Variants in EIF1AX observed in about 807,000 individuals in gnomAD.
The protein encoded by EIF1AX is eukaryotic translation initiation factor 1A, X-chromosomal.
A neutral mutation model predicts 16.1 loss-of-function variants in EIF1AX; 1 was observed. That is an observed-to-expected ratio of 0.06 (90% CI 0.02 to 0.30). The LOEUF (loss-of-function observed/expected upper bound fraction) is 0.30, where lower values mean the gene tolerates loss of function less well. EIF1AX is among the 10% of genes least tolerant of loss of function. The pLI is 1.00. For missense variants in EIF1AX, 11 were observed against 109.1 expected, an observed-to-expected ratio of 0.10 and a Z score of 4.00; for synonymous variants, 32 against 37.3, an observed-to-expected ratio of 0.86 and a Z score of 0.51.
rs183582804 is a variant in EIF1AX, at chrX:20,137,173, G to A, written c.101-1332C>T. 2.1e-4 allele frequency among the ~76,000 whole-genome samples: 23 copies of A among 111,908 alleles called. No homozygotes were observed. In the East Asian group the frequency reaches 5.6e-3, roughly 27 times the overall value. On this transcript the variant is annotated intron_variant, in intron 2 of 6. Coordinates refer to ENST00000379607, the MANE Select transcript of EIF1AX (RefSeq NM_001412.4). ...AAATCCTACATATGGGGCTAGGTGC[G>A]GTGGCTCACGCCTGTAATCCCAGCA...
chrX:20,136,262 C>A, intron 2 of EIF1AX: 1 of 364,387 alleles, frequency 2.7e-6, no homozygotes, highest in Non-Finnish European at 5.3e-6. Context: ...ACACACACAC[C>A]AGACATATGC....
intron 2 of EIF1AX, among the ~76,000 whole-genome samples, chrX:20,136,780 T>G (rs911140733): frequency 2.8e-4 from 31 of 111,685 alleles, no homozygotes; most frequent in Admixed American, 2.7e-3. Flanking sequence ...GCCTTTCTTC[T>G]GAAGTGAGGG....
At chrX:20,133,819 A>C in intron 4 of EIF1AX, 138 bp downstream of exon 4, 4 of 506,570 alleles carry the variant, frequency 7.9e-6, no homozygotes, top group Non-Finnish European at 1.3e-5. Flanking sequence ...TATCCCCTAG[A>C]ATAATGGCTC....
intron 5 of EIF1AX, among the ~76,000 whole-genome samples, chrX:20,131,461 C>T (rs767756293): frequency 1.3e-3 from 147 of 109,975 alleles, no homozygotes; most frequent in Non-Finnish European, 2.4e-3. Flanking sequence ...GGTGAAACCC[C>T]GTCTCTACTA....
chrX:20,135,166 G>C (rs891645641), intron 3 of EIF1AX, among the ~76,000 whole-genome samples: 5 of 105,898 alleles, frequency 4.7e-5, no homozygotes, highest in African/African-American at 1.7e-4. Flanking sequence ...GGGCCATCTG[G>C]CTGGGTACAG....
At chrX:20,132,154 CAAGTT>C (rs756210477) in intron 5 of EIF1AX, 23 bp downstream of exon 5, 1 of 1,121,134 alleles carries the variant, frequency 8.9e-7, no homozygotes, top group Non-Finnish European at 1.2e-6. Flanking sequence ...TACCATATGA[CAAGTT>C]AATACAGTAA....
At chrX:20,139,148 C>T (rs1459492033) in intron 1 of EIF1AX, among the ~76,000 whole-genome samples, 1 of 111,765 alleles carries the variant, frequency 8.9e-6, no homozygotes, top group African/African-American at 3.3e-5. Context: ...ACTCAGGAGG[C>T]TCAGGTGGGA....
intron 5 of EIF1AX, among the ~76,000 whole-genome samples, chrX:20,131,869 C>T (rs1030083831): frequency 1.9e-5 from 2 of 107,323 alleles, no homozygotes; most frequent in Admixed American, 2.0e-4. Context: ...ACTTGCACTT[C>T]GTGTTTAACC....
In EIF1AX at chrX:20,125,561, C is replaced by A. The variant is rs763247857; in HGVS notation, c.*2745G>T. The A allele has an allele frequency of 5.9e-6, 1 of 168,101 alleles. No individual in the cohort carries two copies. Among genetic ancestry groups the A allele is most frequent in the Non-Finnish European group, 1.1e-5 (1 of 87,592 alleles). The allele number at this position is 168,101 out of a possible 1,213,427, so 13.9% of individuals were successfully genotyped here. A position where few individuals can be genotyped will look rare whatever the true frequency, so the allele number is the denominator to read the frequency against. The stretch of plus-strand genomic sequence containing the variant: ...AAAAAACCTTGCTTTCATTCTGATA[C>A]TTTAGCTGTCAATCCAGTCAATACC... On this transcript the variant is annotated 3_prime_UTR_variant, in exon 7 of 7. Coordinates refer to ENST00000379607, the MANE Select transcript of EIF1AX (RefSeq NM_001412.4).
intron 2 of EIF1AX, chrX:20,136,250 C>CCA (rs2067016568): frequency 1.4e-5 from 5 of 355,096 alleles, no homozygotes; most frequent in Non-Finnish European, 2.7e-5. Context: ...CACACACCCC[C>CCA]CACACACACA....
rs746830381 is a variant in EIF1AX at position 20,125,684 on chromosome X, CAAT to C, written c.*2619_*2621del. The C allele has an allele frequency of 1.3e-3, 210 of 161,443 alleles. 2 individuals carry two copies. Among genetic ancestry groups the C allele is most frequent in the African/African-American group, 5.5e-3 (182 of 33,227 alleles). 13.3% of individuals were successfully genotyped at this position (161,443 alleles called of 1,213,427 possible). Reference sequence around the variant, plus strand: ...TGATTACTCAGAGTTACTCTGAAATCAATAATGACAGCAGTTTATACCTATGGA... The same window carrying C: ...TGATTACTCAGAGTTACTCTGAAATCAATGACAGCAGTTTATACCTATGGA... On this transcript the variant is annotated 3_prime_UTR_variant, in exon 7 of 7. Transcript: ENST00000379607.
rs957488401 is a variant in EIF1AX, at chrX:20,126,270, T to G, written c.*2036A>C. On this transcript the variant is annotated 3_prime_UTR_variant, in exon 7 of 7. Coordinates refer to ENST00000379607, the MANE Select transcript of EIF1AX (RefSeq NM_001412.4). The stretch of plus-strand genomic sequence containing the variant: ...TCAATGAAACTATACAATTTCCACA[T>G]TAAATACAAATTAGTAGAAGAATTC... The G allele has an allele frequency of 1.5e-5, 2 of 137,250 alleles. No homozygotes were observed. Among genetic ancestry groups the G allele is most frequent in the African/African-American group, 6.8e-5 (2 of 29,623 alleles). The allele number at this position is 137,250 out of a possible 1,213,427, so 11.3% of individuals were successfully genotyped here. A position where few individuals can be genotyped will look rare whatever the true frequency, so the allele number is the denominator to read the frequency against.
Position 20,128,215 on chromosome X carries a change from C to T in EIF1AX, c.*91G>A, listed in dbSNP as rs2066991177. On this transcript the variant is annotated 3_prime_UTR_variant, in exon 7 of 7. Transcript: ENST00000379607. The stretch of plus-strand genomic sequence containing the variant: ...TCTGCTTTAACAAATTGCATTCATG[C>T]TAATGAAATTTTAATCTTCTTTGTC... 3.4e-6 allele frequency: 3 copies of T among 887,265 alleles called. No individual in the cohort carries two copies. In the Admixed American group the frequency reaches 8.7e-5, roughly 26 times the overall value. The allele number at this position is 887,265 out of a possible 1,213,427, so 73.1% of individuals were successfully genotyped here.
chrX:20,134,456 G>A (rs956281310), intron 3 of EIF1AX, among the ~76,000 whole-genome samples: 1 of 111,111 alleles, frequency 9.0e-6, no homozygotes, highest in African/African-American at 3.3e-5. Flanking sequence ...ATTTTAGTTT[G>A]GGCTGGCATT....
chrX:20,139,449 G>A (rs185991272), intron 1 of EIF1AX, among the ~76,000 whole-genome samples: 2 of 111,527 alleles, frequency 1.8e-5, no homozygotes, highest in East Asian at 2.8e-4. Flanking sequence ...TAAGTAAGTC[G>A]CTTAGCTTCA....
Position 20,126,444 on chromosome X carries a change from A to T in EIF1AX, c.*1862T>A, listed in dbSNP as rs2066985492. Reference sequence around the variant, plus strand: ...CAGTAAATACATGAACTGGGGTTATAGCTGAATTTTTAGAAACTCTCCAGA... The same window carrying T: ...CAGTAAATACATGAACTGGGGTTATTGCTGAATTTTTAGAAACTCTCCAGA... On this transcript the variant is annotated 3_prime_UTR_variant, in exon 7 of 7. Transcript: ENST00000379607. 1 of 131,723 alleles carries T rather than the reference A, an allele frequency of 7.6e-6. No homozygotes were observed. The highest frequency in any genetic ancestry group is 3.8e-4 in the South Asian group (1 of 2,661). The allele number at this position is 131,723 out of a possible 1,213,427, so 10.9% of individuals were successfully genotyped here.
intron 3 of EIF1AX, 58 bp downstream of exon 3, chrX:20,135,680 G>T: frequency 1.1e-6 from 1 of 896,132 alleles, no homozygotes; most frequent in Non-Finnish European, 1.6e-6. Context: ...GTTAAAAACT[G>T]TAGAGGGATT....
chrX:20,130,265 T>G (rs1467463360), intron 6 of EIF1AX, among the ~76,000 whole-genome samples: 3 of 83,416 alleles, frequency 3.6e-5, no homozygotes, highest in Non-Finnish European at 6.3e-5. Flanking sequence ...ATTGTACCAC[T>G]GCACTCCAGC....
intron 6 of EIF1AX, among the ~76,000 whole-genome samples, chrX:20,129,638 G>C (rs1663797886): frequency 8.9e-6 from 1 of 112,189 alleles, no homozygotes; most frequent in South Asian, 3.6e-4. Flanking sequence ...TATTAGGAAA[G>C]ACAATCCATT....
Sources: allele counts gnomAD v4.1 joint callset (sites outside exome capture counted in the v4.1 genomes callset), GRCh38; gene constraint gnomAD v4.1.1; transcripts MANE v1.5; gene names NCBI Gene and HGNC (gene_info 2026-07-23, HGNC 2026-07-21).